HCN1: variants seen among roughly 807,000 people sequenced by gnomAD.
HCN1 encodes the protein potassium/sodium hyperpolarization-activated cyclic nucleotide-gated channel 1.
A neutral mutation model predicts 78.9 loss-of-function variants in HCN1; 13 were observed. That is an observed-to-expected ratio of 0.16 (90% CI 0.11 to 0.26). The LOEUF is 0.26. Among genes scored for constraint, HCN1 ranks in the 10% least tolerant of loss-of-function variants. The pLI, the probability that HCN1 is intolerant of heterozygous loss-of-function variation, is 1.00. For synonymous variants in HCN1, 552 were observed against 455.5 expected (o/e 1.21, Z -2.70); for missense variants, 810 against 1,154.3 (o/e 0.70, Z 4.32).
chr5:45,606,229 A>G (rs1373340239), intron 2 of HCN1, among the ~76,000 whole-genome samples: 2 of 152,028 alleles, frequency 1.3e-5, no homozygotes, highest in Non-Finnish European at 2.9e-5. Flanking sequence ...AAAAGAACAA[A>G]CGATTTTTGT....
intron 4 of HCN1, among the ~76,000 whole-genome samples, chr5:45,378,371 G>C (rs1446326655): frequency 6.6e-6 from 1 of 152,002 alleles, no homozygotes; most frequent in East Asian, 1.9e-4. Context: ...GATAACTCTA[G>C]ATAAAGAGGC....
intron 3 of HCN1, among the ~76,000 whole-genome samples, chr5:45,421,811 C>T (rs1389956442): frequency 1.3e-5 from 2 of 152,150 alleles, no homozygotes; most frequent in Non-Finnish European, 2.9e-5. Flanking sequence ...GGAATTCTTG[C>T]TCAGGTTTGT....
intron 1 of HCN1, among the ~76,000 whole-genome samples, chr5:45,651,189 C>G (rs1241806124): frequency 6.6e-6 from 1 of 151,926 alleles, no homozygotes; most frequent in Non-Finnish European, 1.5e-5. Context: ...AATCTGTCCC[C>G]TCAACTCACA....
chr5:45,673,935 T>C (rs1746212988), intron 1 of HCN1, among the ~76,000 whole-genome samples: 1 of 151,552 alleles, frequency 6.6e-6, no homozygotes, highest in Admixed American at 6.6e-5. Context: ...TGCCCCTAAA[T>C]AATTTCCCAT....
intron 2 of HCN1, among the ~76,000 whole-genome samples, chr5:45,512,154 T>G (rs1742429061): frequency 6.6e-6 from 1 of 152,088 alleles, no homozygotes; most frequent in East Asian, 1.9e-4. Flanking sequence ...AAAACCCTAT[T>G]TTAACTCTCA....
At chr5:45,578,959 T>C (rs1295881641) in intron 2 of HCN1, among the ~76,000 whole-genome samples, 1 of 152,066 alleles carries the variant, frequency 6.6e-6, no homozygotes, top group Non-Finnish European at 1.5e-5. Context: ...TTAATCAGTA[T>C]CTACAATTAA....
chr5:45,310,928 C>A (rs890888751), intron 5 of HCN1, among the ~76,000 whole-genome samples: 54 of 152,210 alleles, frequency 3.5e-4, no homozygotes, highest in African/African-American at 1.2e-3. Context: ...AAACCAAAAG[C>A]CTCATGTTCT....
intron 3 of HCN1, among the ~76,000 whole-genome samples, chr5:45,459,589 A>T (rs979568201): frequency 6.6e-6 from 1 of 152,036 alleles, no homozygotes; most frequent in African/African-American, 2.4e-5. Flanking sequence ...AAAAACAAGA[A>T]TTTTTTTCAA....
chr5:45,328,890 C>T (rs1036181979), intron 5 of HCN1, among the ~76,000 whole-genome samples: 1 of 151,532 alleles, frequency 6.6e-6, no homozygotes, highest in Admixed American at 6.6e-5. Context: ...ATGTGGAACA[C>T]AGTCTACACA....
intron 2 of HCN1, among the ~76,000 whole-genome samples, chr5:45,617,990 A>G (rs918989649): frequency 2.0e-5 from 3 of 152,132 alleles, no homozygotes; most frequent in Non-Finnish European, 2.9e-5. Flanking sequence ...GTGAAATAAC[A>G]AAGCGTAAGC....
intron 2 of HCN1, among the ~76,000 whole-genome samples, chr5:45,496,097 A>G (rs1742021234): frequency 6.6e-6 from 1 of 152,136 alleles, no homozygotes; most frequent in Non-Finnish European, 1.5e-5. Context: ...CTTTGGTATC[A>G]GAATGATGCT....
At position 45,582,069 on chromosome 5, in the gene HCN1, T is replaced by C. The variant is rs530545987; in HGVS notation, c.849+63116A>G. Among the ~76,000 whole-genome samples, 74 of 152,264 alleles carry C rather than the reference T, an allele frequency of 4.9e-4. No individual in the cohort carries two copies. The South Asian group carries it at 5.4e-3, about 11-fold the overall frequency. On this transcript the variant is annotated intron_variant, in intron 2 of 7. Coordinates refer to ENST00000303230, the MANE Select transcript of HCN1 (RefSeq NM_021072.4). ...CCAATTCTGTGAAGAAAGTCATTGG[T>C]AGCTTGCTGGGGATGGCATTGAATC...
intron 3 of HCN1, among the ~76,000 whole-genome samples, chr5:45,437,625 A>G (rs1740582741): frequency 1.3e-5 from 2 of 152,326 alleles, no homozygotes; most frequent in Admixed American, 1.3e-4. Context: ...ACATTTTCAT[A>G]AAGAGTGTGA....
chr5:45,379,525 A>G (rs1216795955), intron 4 of HCN1, among the ~76,000 whole-genome samples: 1 of 152,118 alleles, frequency 6.6e-6, no homozygotes, highest in Admixed American at 6.6e-5. Flanking sequence ...GTATGATAAC[A>G]TGAATTAATC....
intron 4 of HCN1, among the ~76,000 whole-genome samples, chr5:45,353,476 C>G (rs554236744): frequency 4.6e-5 from 7 of 151,812 alleles, no homozygotes; most frequent in Non-Finnish European, 8.8e-5. Flanking sequence ...ACTAAGATAT[C>G]GTGGAGAGGA....
At chr5:45,451,878 T>C (rs1019081990) in intron 3 of HCN1, among the ~76,000 whole-genome samples, 2 of 152,038 alleles carry the variant, frequency 1.3e-5, no homozygotes, top group Non-Finnish European at 2.9e-5. Context: ...TTTTAGATTA[T>C]CACATTGATC....
intron 2 of HCN1, among the ~76,000 whole-genome samples, chr5:45,496,244 G>T (rs1051028526): frequency 8.6e-5 from 13 of 151,818 alleles, no homozygotes; most frequent in Admixed American, 5.3e-4. Flanking sequence ...ACTCTTTTTG[G>T]TTGGTAAACT....
rs1744587042 is a variant in HCN1 at position 45,255,402 on chromosome 5, A to G, written c.*6519T>C. 1 of 152,162 alleles carries G rather than the reference A, an allele frequency of 6.6e-6. No individual in the cohort carries two copies. The highest frequency in any genetic ancestry group is 1.5e-5 in the Non-Finnish European group (1 of 68,046). The allele number at this position is 152,162 out of a possible 1,614,324, so 9.4% of individuals were successfully genotyped here. On this transcript the variant is annotated 3_prime_UTR_variant, in exon 8 of 8. Transcript: ENST00000303230. ...GTTCCAATTTTTTCAATATTAATAC[A>G]CATATGAATCATCTGGGGATCTTGC...
intron 2 of HCN1, among the ~76,000 whole-genome samples, chr5:45,590,577 C>T (rs939228752): frequency 2.6e-5 from 4 of 152,072 alleles, no homozygotes; most frequent in African/African-American, 9.7e-5. Flanking sequence ...TGTATAATGA[C>T]CCCTTTAGTA....
Sources: allele counts gnomAD v4.1 joint callset (sites outside exome capture counted in the v4.1 genomes callset), GRCh38; gene constraint gnomAD v4.1.1; transcripts MANE v1.5; gene names NCBI Gene and HGNC (gene_info 2026-07-23, HGNC 2026-07-21).